GMDS: variants seen among roughly 807,000 people sequenced by gnomAD.
GMDS encodes the protein GDP-mannose 4,6 dehydratase.
A neutral mutation model predicts 49.9 loss-of-function variants in GMDS; 20 were observed. The observed-to-expected ratio is 0.40, with a 90% confidence interval of 0.28 to 0.58. GMDS has a LOEUF of 0.58. GMDS is among the 20% of genes least tolerant of loss of function. The pLI is 0.42. For missense variants in GMDS, 362 were observed against 481.4 expected (o/e 0.75, Z 2.32); for synonymous variants, 177 against 178.6 (o/e 0.99, Z 0.07).
At chr6:1,900,674 T>C (rs988099884) in intron 7 of GMDS, among the ~76,000 whole-genome samples, 7 of 152,216 alleles carry the variant, frequency 4.6e-5, no homozygotes, top group Admixed American at 2.6e-4. Flanking sequence ...AAGAGACAGT[T>C]TGGCATAGTG....
intron 1 of GMDS, among the ~76,000 whole-genome samples, chr6:2,192,955 T>C (rs925112900): frequency 6.6e-5 from 10 of 152,244 alleles, no homozygotes; most frequent in Admixed American, 3.3e-4. Flanking sequence ...AAAGATCCTG[T>C]AACACTATTT....
At position 1,766,496 on chromosome 6, in the gene GMDS, G is replaced by A. The variant is rs1228161524; in HGVS notation, c.772-23910C>T. ...AAATGAGTATCATATTTATATATCT[G>A]CTATAACTCACTTTCTAATGAACAA... On this transcript the variant is annotated intron_variant, in intron 7 of 10. Coordinates refer to ENST00000380815, the MANE Select transcript of GMDS (RefSeq NM_001500.4). The surrounding 1 kb of genome is among the most constrained non-coding windows in gnomAD (Gnocchi z 4.5). 6.6e-6 allele frequency among the ~76,000 whole-genome samples: 1 copy of A among 152,092 alleles called. No homozygotes were observed. Among genetic ancestry groups the A allele is most frequent in the Non-Finnish European group, 1.5e-5 (1 of 68,022 alleles).
At chr6:1,864,116 G>A (rs1357781386) in intron 7 of GMDS, among the ~76,000 whole-genome samples, 1 of 151,942 alleles carries the variant, frequency 6.6e-6, no homozygotes, top group Non-Finnish European at 1.5e-5. Context: ...CAATCCCAAG[G>A]AGATAAAACA....
intron 4 of GMDS, among the ~76,000 whole-genome samples, chr6:2,081,935 T>C (rs1453675346): frequency 1.4e-4 from 22 of 152,042 alleles, no homozygotes; most frequent in African/African-American, 5.1e-4. Context: ...TCCAGGAGCG[T>C]GTAAGCAAGC....
intron 7 of GMDS, among the ~76,000 whole-genome samples, chr6:1,821,611 G>GTTTGTTTTTT (rs1770899536): frequency 9.1e-6 from 1 of 109,854 alleles, no homozygotes; most frequent in African/African-American, 3.4e-5. Context: ...CAATTTATTT[G>GTTTGTTTTTT]TTTTTTTTTT....
intron 4 of GMDS, among the ~76,000 whole-genome samples, chr6:2,065,656 G>C (rs1279524854): frequency 6.6e-6 from 1 of 152,112 alleles, no homozygotes; most frequent in Non-Finnish European, 1.5e-5. Context: ...CGATCAACTG[G>C]AAGAAAGGGT....
chr6:2,099,051 C>T (rs1322002199), intron 4 of GMDS, among the ~76,000 whole-genome samples: 2 of 152,040 alleles, frequency 1.3e-5, no homozygotes, highest in South Asian at 2.1e-4. Flanking sequence ...ACAATACTGT[C>T]GCTTATAAAG....
At chr6:2,032,029 T>A (rs1768994019) in intron 4 of GMDS, among the ~76,000 whole-genome samples, 1 of 152,208 alleles carries the variant, frequency 6.6e-6, no homozygotes, top group South Asian at 2.1e-4. Flanking sequence ...TCAGAACTTA[T>A]TATTGAAAAT....
In GMDS at chr6:1,939,416, A is replaced by G. The variant is rs937736824; in HGVS notation, c.644-9186T>C. On this transcript the variant is annotated intron_variant, in intron 6 of 10. Coordinates refer to ENST00000380815, the MANE Select transcript of GMDS (RefSeq NM_001500.4). ...CATCCCCTTCCAGAATGCACAGGTT[A>G]ACAAGGTTCTGCTCTTCCCCTTGAC... Among the ~76,000 whole-genome samples, 7 of 152,088 alleles carry G rather than the reference A, an allele frequency of 4.6e-5. No homozygotes were observed. In the South Asian group the frequency reaches 1.2e-3, roughly 27 times the overall value.
At chr6:1,863,826 T>C (rs1027391351) in intron 7 of GMDS, among the ~76,000 whole-genome samples, 1 of 152,208 alleles carries the variant, frequency 6.6e-6, no homozygotes, top group Non-Finnish European at 1.5e-5. Context: ...TCTTCACATT[T>C]CTGCATTTTA....
At chr6:1,747,544 T>C (rs1329897200) in intron 7 of GMDS, among the ~76,000 whole-genome samples, 2 of 151,804 alleles carry the variant, frequency 1.3e-5, no homozygotes, top group African/African-American at 2.4e-5. Context: ...GGAGAACATG[T>C]ATGAAATAAC....
intron 7 of GMDS, among the ~76,000 whole-genome samples, chr6:1,786,288 AT>A (rs1363834195): frequency 6.6e-6 from 1 of 152,262 alleles, no homozygotes; most frequent in East Asian, 1.9e-4. Context: ...AAAGATGGAA[AT>A]GCAATGCCTC....
At chr6:1,808,208 G>A (rs1770260469) in intron 7 of GMDS, among the ~76,000 whole-genome samples, 1 of 152,236 alleles carries the variant, frequency 6.6e-6, no homozygotes, top group Non-Finnish European at 1.5e-5. Flanking sequence ...ACAAGTTGCT[G>A]CCGTGCTGTT....
At chr6:1,808,433 G>A (rs979944695) in intron 7 of GMDS, among the ~76,000 whole-genome samples, 9 of 152,160 alleles carry the variant, frequency 5.9e-5, no homozygotes, top group African/African-American at 2.2e-4. Context: ...GAGACATGAG[G>A]CAATGGCTAC....
At chr6:1,966,107 A>T (rs926295503) in intron 4 of GMDS, among the ~76,000 whole-genome samples, 1 of 152,186 alleles carries the variant, frequency 6.6e-6, no homozygotes, top group Non-Finnish European at 1.5e-5. Context: ...CATGAAGCAG[A>T]AAATATTTAC....
At chr6:2,174,395 A>T (rs1175876970) in intron 1 of GMDS, among the ~76,000 whole-genome samples, 1 of 152,156 alleles carries the variant, frequency 6.6e-6, no homozygotes, top group Non-Finnish European at 1.5e-5. Context: ...TTAATGGGTG[A>T]ATTTCATCTT....
At position 1,687,734 on chromosome 6, in the gene GMDS, AAG is replaced by A. The variant is rs772880202; in HGVS notation, c.987+38680_987+38681del. ...GAGGCTTCTCTGATGCAGAGACTGAAAGAGTGTGGGGAGCAGTCCTGCCCTCT... is the reference window on the plus strand; with the variant it reads ...GAGGCTTCTCTGATGCAGAGACTGAAAGTGTGGGGAGCAGTCCTGCCCTCT... On this transcript the variant is annotated intron_variant, in intron 9 of 10. Coordinates refer to ENST00000380815, the MANE Select transcript of GMDS (RefSeq NM_001500.4). Among the ~76,000 whole-genome samples, 111 of 152,214 alleles carry A rather than the reference AAG, an allele frequency of 7.3e-4. 2 individuals carry two copies. The Middle Eastern group carries it at 0.01, about 14-fold the overall frequency.
chr6:1,955,070 G>A (rs1763558902), intron 6 of GMDS, among the ~76,000 whole-genome samples: 1 of 151,850 alleles, frequency 6.6e-6, no homozygotes, highest in African/African-American at 2.4e-5. Flanking sequence ...ACAGAGACAG[G>A]AGGTGAACAC....
intron 4 of GMDS, among the ~76,000 whole-genome samples, chr6:2,059,707 C>CAAAAAAAAAAAAAAAAAAAAAAAA (rs35230658): frequency 1.7e-4 from 3 of 17,772 alleles, no homozygotes; most frequent in Non-Finnish European, 2.0e-4. Context: ...GACTCCGTCT[C>CAAAAAAAAAAAAAAAAAAAAAAAA]AAAAAAAAAA....
Sources: gnomAD v4.1 joint callset for allele counts (sites outside exome capture counted in the v4.1 genomes callset) on GRCh38, gnomAD v4.1.1 for gene constraint, Gnocchi (gnomAD v3.1) non-coding constraint, MANE v1.5 for transcripts, NCBI Gene and HGNC (gene_info 2026-07-23, HGNC 2026-07-21) for gene names.